The following IL1RAPL2 variants were observed in gnomAD, a reference collection of about 807,000 sequenced individuals.
IL1RAPL2 encodes interleukin 1 receptor accessory protein like 2, also known as X-linked interleukin-1 receptor accessory protein-like 2.
In IL1RAPL2, 3 loss-of-function variants were observed where a neutral mutation model predicts 44.1. The observed-to-expected ratio is 0.07, with a 90% CI of 0.03 to 0.18. The LOEUF is 0.18. IL1RAPL2 is among the 10% of genes least tolerant of loss of function. IL1RAPL2 has a pLI of 1.00. For missense variants in IL1RAPL2, 391 were observed against 496.4 expected, an observed-to-expected ratio of 0.79 and a Z score of 2.02; for synonymous variants, 181 against 178.8, an observed-to-expected ratio of 1.01 and a Z score of -0.10.
intron 6 of IL1RAPL2, among the ~76,000 whole-genome samples, chrX:105,486,734 A>ATATCTATCTATCTATCTATCTATC (rs34493388): frequency 6.8e-4 from 71 of 103,887 alleles, no homozygotes; most frequent in African/African-American, 2.5e-3. Context: ...CTATATATCT[A>ATATCTATCTATCTATCTATCTATC]TATCTATCTA....
At chrX:105,194,259 G>A (rs969151078) in intron 2 of IL1RAPL2, among the ~76,000 whole-genome samples, 1 of 111,619 alleles carries the variant, frequency 9.0e-6, no homozygotes, top group African/African-American at 3.3e-5. Flanking sequence ...GATTAAACAC[G>A]CTGGGTTAGA....
At chrX:104,973,750 A>G (rs1312593718) in intron 2 of IL1RAPL2, among the ~76,000 whole-genome samples, 1 of 112,000 alleles carries the variant, frequency 8.9e-6, no homozygotes, top group Non-Finnish European at 1.9e-5. Context: ...ATCATAATTT[A>G]CACAGATCAT....
At chrX:105,178,282 T>A (rs58340384) in intron 2 of IL1RAPL2, among the ~76,000 whole-genome samples, 1,583 of 111,816 alleles carry the variant, frequency 0.014, 29 homozygotes, top group African/African-American at 0.049. Flanking sequence ...GTTTCATCCA[T>A]GTTTCTGCAA....
chrX:104,931,992 A>ATT (rs1234074475), intron 2 of IL1RAPL2, among the ~76,000 whole-genome samples: 461 of 31,327 alleles, frequency 0.015, 4 homozygotes, highest in East Asian at 0.093. Flanking sequence ...ATATATATAT[A>ATT]TATATTTTTT....
At chrX:105,495,080 C>T (rs2036348000) in intron 6 of IL1RAPL2, among the ~76,000 whole-genome samples, 1 of 112,325 alleles carries the variant, frequency 8.9e-6, no homozygotes, top group South Asian at 3.6e-4. Context: ...ACAAATCAGG[C>T]AACAAATGGA....
At chrX:105,281,713 T>C (rs114247545) in intron 5 of IL1RAPL2, among the ~76,000 whole-genome samples, 2,250 of 111,634 alleles carry the variant, frequency 0.02, 54 homozygotes, top group African/African-American at 0.069. Context: ...AGCCTAAGTG[T>C]GTAGGAGGCT....
intron 5 of IL1RAPL2, chrX:105,406,415 T>C: frequency 9.1e-7 from 1 of 1,100,181 alleles, no homozygotes; most frequent in Non-Finnish European, 1.3e-6. Context: ...TATTGTCTCA[T>C]TGATCTAACA....
intron 6 of IL1RAPL2, among the ~76,000 whole-genome samples, chrX:105,520,767 G>A (rs1332741389): frequency 1.2e-4 from 13 of 110,545 alleles, no homozygotes; most frequent in Non-Finnish European, 2.5e-4. Context: ...GCTGTGATAC[G>A]TGGCTTGCTA....
At chrX:105,353,775 T>C (rs1364117961) in intron 5 of IL1RAPL2, among the ~76,000 whole-genome samples, 1 of 111,623 alleles carries the variant, frequency 9.0e-6, no homozygotes, top group Non-Finnish European at 1.9e-5. Flanking sequence ...TTTTTGCACA[T>C]TGATTTTGTA....
At chrX:105,760,916 C>T (rs1332872688) in intron 10 of IL1RAPL2, among the ~76,000 whole-genome samples, 1 of 111,287 alleles carries the variant, frequency 9.0e-6, no homozygotes, top group Admixed American at 9.5e-5. Context: ...CGGTGGCTCA[C>T]GCCTGTAATC....
At chrX:105,033,188 C>T (rs923678521) in intron 2 of IL1RAPL2, among the ~76,000 whole-genome samples, 10 of 111,637 alleles carry the variant, frequency 9.0e-5, no homozygotes, top group South Asian at 3.8e-4. Context: ...ATTTGCCAGT[C>T]TGTGTCTCTT....
intron 7 of IL1RAPL2, among the ~76,000 whole-genome samples, chrX:105,734,998 G>A (rs780430991): frequency 9.0e-6 from 1 of 111,396 alleles, no homozygotes; most frequent in African/African-American, 3.3e-5. Context: ...GTGATTCTCT[G>A]CATTTGCCTT....
At chrX:104,656,536 G>C (rs1011754587) in intron 1 of IL1RAPL2, among the ~76,000 whole-genome samples, 19 of 112,014 alleles carry the variant, frequency 1.7e-4, no homozygotes, top group African/African-American at 5.2e-4. Context: ...TGTGGTCTGA[G>C]AGACTTTTTG....
intron 2 of IL1RAPL2, among the ~76,000 whole-genome samples, chrX:104,879,333 G>A (rs1453870452): frequency 1.9e-5 from 1 of 53,430 alleles, no homozygotes; most frequent in African/African-American, 8.6e-5. Context: ...ACCCAAACAC[G>A]TTAATTTGTA....
At chrX:105,109,177 TCTTA>T (rs1338015630) in intron 2 of IL1RAPL2, among the ~76,000 whole-genome samples, 8 of 112,360 alleles carry the variant, frequency 7.1e-5, no homozygotes, top group Admixed American at 1.9e-4. Flanking sequence ...GAACCCATTT[TCTTA>T]CTTGTTTAAT....
At chrX:105,538,695 T>C (rs1034758398) in intron 6 of IL1RAPL2, among the ~76,000 whole-genome samples, 7 of 111,354 alleles carry the variant, frequency 6.3e-5, no homozygotes, top group African/African-American at 2.0e-4. Flanking sequence ...GCCAGAGTAA[T>C]CAGGCAAGAG....
At chrX:104,998,506 G>A (rs2030789303) in intron 2 of IL1RAPL2, among the ~76,000 whole-genome samples, 1 of 111,785 alleles carries the variant, frequency 8.9e-6, no homozygotes, top group Non-Finnish European at 1.9e-5. Context: ...AGTCTCAGTG[G>A]CTCATGCCTG....
rs59823277 is a variant in IL1RAPL2 at position 105,758,409 on chromosome X, A to ATCTCTCTC, written c.1363+3081_1363+3088dup. On this transcript the variant is annotated intron_variant, in intron 10 of 10. Transcript: ENST00000372582. ...TACACAGTTTCGAAAGTACATGAAA[A>ATCTCTCTC]TCTCTCTCTCTCTCTCTCTCTCTCT... Among the ~76,000 whole-genome samples the ATCTCTCTC allele has an allele frequency of 2.0e-3, 206 of 102,391 alleles. 1 individual carries two copies. Among genetic ancestry groups the ATCTCTCTC allele is most frequent in the African/African-American group, 7.3e-3 (199 of 27,393 alleles). 88.9% of individuals were successfully genotyped at this position (102,391 alleles called of 115,157 possible).
chrX:105,215,354 A>G (rs1387416758), intron 3 of IL1RAPL2, among the ~76,000 whole-genome samples: 2 of 112,112 alleles, frequency 1.8e-5, no homozygotes, highest in African/African-American at 6.5e-5. Context: ...AAACTAGAAA[A>G]TCTAGAAGAA....
Sources: allele counts gnomAD v4.1 joint callset (sites outside exome capture counted in the v4.1 genomes callset), GRCh38; gene constraint gnomAD v4.1.1; transcripts MANE v1.5; gene names NCBI Gene and HGNC (gene_info 2026-07-23, HGNC 2026-07-21).